The following ASH1L variants were observed in gnomAD, a reference collection of about 807,000 sequenced individuals.
ASH1L encodes ASH1 like histone lysine methyltransferase.
A neutral mutation model predicts 269.0 loss-of-function variants in ASH1L; 23 were observed. The observed-to-expected ratio is 0.09, with a 90% CI of 0.06 to 0.12. The LOEUF (loss-of-function observed/expected upper bound fraction) is 0.12, where lower values mean the gene tolerates loss of function less well. Ranked by LOEUF, ASH1L falls within the 10% of genes least tolerant of loss-of-function variation. ASH1L has a pLI of 1.00. For missense variants in ASH1L, 2,912 were observed against 3,567.8 expected, an observed-to-expected ratio of 0.82 and a Z score of 4.68; for synonymous variants, 1,187 against 1,253.5, an observed-to-expected ratio of 0.95 and a Z score of 1.12.
chr1:155,405,611 C>T (rs1659212963), intron 6 of ASH1L, among the ~76,000 whole-genome samples: 1 of 151,978 alleles, frequency 6.6e-6, no homozygotes, highest in African/African-American at 2.4e-5. Context: ...GAGTGAATCA[C>T]CTGAGGTCAG....
At chr1:155,378,819 G>A (rs1036599042) in intron 8 of ASH1L, among the ~76,000 whole-genome samples, 6 of 152,188 alleles carry the variant, frequency 3.9e-5, no homozygotes, top group South Asian at 2.1e-4. Context: ...TTGTTGGATA[G>A]ACTTAAATGA....
chr1:155,363,944 G>A (rs1441337004), intron 12 of ASH1L, among the ~76,000 whole-genome samples: 1 of 151,696 alleles, frequency 6.6e-6, no homozygotes, highest in East Asian at 1.9e-4. Flanking sequence ...CTGCATTCCA[G>A]CCTGGGCGAC....
rs1391247947 is a variant in ASH1L at position 155,439,093 on chromosome 1, T to C, written c.5087-25A>G. ...ACTGAAAGAGACAATAAATCACACA[T>C]AGACAAAATTGGACACGGCTAGTTA... is the stretch of plus-strand genomic sequence containing the variant. On this transcript the variant is annotated intron_variant, in intron 4 of 27. Coordinates refer to ENST00000392403, the MANE Select transcript of ASH1L (RefSeq NM_018489.3). 7.6e-6 allele frequency: 12 copies of C among 1,569,910 alleles called. No individual in the cohort carries two copies. The South Asian group carries it at 1.2e-4, about 16-fold the overall frequency.
chr1:155,562,860 G>A (rs1490316959), upstream of ASH1L: 1 of 343,026 alleles, frequency 2.9e-6, no homozygotes, highest in South Asian at 1.9e-5. Flanking sequence ...CGCCCCCACG[G>A]CCACCAACCG....
Position 155,562,700 on chromosome 1 carries a change from C to G in ASH1L, c.-647G>C. 6.7e-7 allele frequency: 1 copy of G among 1,495,256 alleles called. No homozygotes were observed. Among genetic ancestry groups the G allele is most frequent in the African/African-American group, 1.4e-5 (1 of 72,214 alleles). The allele number at this position is 1,495,256 out of a possible 1,614,324, so 92.6% of individuals were successfully genotyped here. Reference sequence around the variant, plus strand: ...GCCAGCCAGCCCGTACGCGCTCACCCACAGGAACCCCCTCGTCCAGTCCCT... The same window carrying G: ...GCCAGCCAGCCCGTACGCGCTCACCGACAGGAACCCCCTCGTCCAGTCCCT... On this transcript the variant is annotated 5_prime_UTR_variant, in exon 1 of 28. Transcript: ENST00000392403.
At chr1:155,422,303 A>G (rs1437739574) in intron 5 of ASH1L, among the ~76,000 whole-genome samples, 1 of 120,930 alleles carries the variant, frequency 8.3e-6, no homozygotes, top group East Asian at 2.4e-4. Context: ...CGCCCAGCTA[A>G]TTTTTTTTTT....
chr1:155,412,386 T>C (rs1253626559), intron 6 of ASH1L, among the ~76,000 whole-genome samples: 4 of 151,942 alleles, frequency 2.6e-5, no homozygotes, highest in Admixed American at 6.6e-5. Flanking sequence ...TCCAGCCTGG[T>C]TGACAAGAGC....
intron 10 of ASH1L, among the ~76,000 whole-genome samples, chr1:155,374,190 G>A (rs1656230049): frequency 6.6e-6 from 1 of 151,962 alleles, no homozygotes; most frequent in Non-Finnish European, 1.5e-5. Context: ...TTAGCCAGGC[G>A]TGGTGGCAAC....
At chr1:155,536,947 A>G (rs1327748682) in intron 1 of ASH1L, among the ~76,000 whole-genome samples, 2 of 151,708 alleles carry the variant, frequency 1.3e-5, no homozygotes, top group Admixed American at 6.6e-5. Context: ...TGGGAGGCTG[A>G]GACAGGAGAA....
At chr1:155,463,774 G>A (rs778371785) in intron 3 of ASH1L, among the ~76,000 whole-genome samples, 1 of 152,036 alleles carries the variant, frequency 6.6e-6, no homozygotes, top group Non-Finnish European at 1.5e-5. Context: ...CATCCTGGGC[G>A]ACAGTGAGAC....
At chr1:155,383,714 G>C (rs922523179) in intron 7 of ASH1L, among the ~76,000 whole-genome samples, 2 of 152,118 alleles carry the variant, frequency 1.3e-5, no homozygotes, top group African/African-American at 2.4e-5. Flanking sequence ...CAAAAGAACA[G>C]GTATTATACA....
chr1:155,493,787 T>C (rs926488169), intron 2 of ASH1L, among the ~76,000 whole-genome samples: 2 of 152,074 alleles, frequency 1.3e-5, no homozygotes, highest in African/African-American at 2.4e-5. Context: ...GGCGGAAGAA[T>C]AGCTTGAACC....
Position 155,335,686 on chromosome 1 carries a change from TA to T in ASH1L, c.*1973del, listed in dbSNP as rs1652252174. 6.5e-6 allele frequency: 1 copy of T among 152,772 alleles called. No homozygotes were observed. The highest frequency in any genetic ancestry group is 2.4e-5 in the African/African-American group (1 of 41,452). The allele number at this position is 152,772 out of a possible 1,614,324, so 9.5% of individuals were successfully genotyped here. On this transcript the variant is annotated 3_prime_UTR_variant, in exon 28 of 28. Transcript: ENST00000392403. ...TCTAAAAAACATTTCAGTTTTTTTT[TA>T]GTCTTTCAACAAAAGAAAGATAAAA... is the stretch of plus-strand genomic sequence containing the variant.
rs745497005 is a variant in ASH1L, at chr1:155,415,760, C to T, written c.5992G>A (p.Val1998Ile). 5.0e-6 allele frequency: 8 copies of T among 1,613,676 alleles called. No individual in the cohort carries two copies. The highest frequency in any genetic ancestry group is 6.8e-6 in the Non-Finnish European group (8 of 1,179,948). The change falls in exon 6 of 28, where the codon GTT becomes ATT. Residue 1998 changes from valine (V) to isoleucine (I), a missense_variant. By Grantham distance (29) the Val-to-Ile change is conservative. This residue lies in a region of ASH1L where 193 missense variants were observed against 311.6 expected (regional missense o/e 0.62). Transcript: ENST00000392403. ...KYQKAGLYSD[V>I]YKTTDPKSRL... ...ACTACTTACTCTGTAGTTTTGTAAACGTCAGAATACAGCCCTGCTTTCTGA... is the reference window on the plus strand; with the variant it reads ...ACTACTTACTCTGTAGTTTTGTAAATGTCAGAATACAGCCCTGCTTTCTGA...
chr1:155,563,154 G>A, upstream of ASH1L: 1 of 457,126 alleles, frequency 2.2e-6, no homozygotes, highest in Middle Eastern at 3.3e-4. Flanking sequence ...AGCGGATCGA[G>A]GACTGCCTAG....
In ASH1L at chr1:155,416,361, C is replaced by T. The variant is rs189010770; in HGVS notation, c.5829-438G>A. ...CTTCAACTCTTGACCTCAAGTAATC[C>T]ACCTGCCTTGGCCTCCCAAGTGCTG... On this transcript the variant is annotated intron_variant, in intron 5 of 27. Transcript: ENST00000392403. Among the ~76,000 whole-genome samples, 350 of 152,216 alleles carry T rather than the reference C, an allele frequency of 2.3e-3. 1 individual carries two copies. Among genetic ancestry groups the T allele is most frequent in the African/African-American group, 8.0e-3 (334 of 41,532 alleles).
chr1:155,508,465 C>T (rs1426507535), intron 2 of ASH1L, among the ~76,000 whole-genome samples: 1 of 152,056 alleles, frequency 6.6e-6, no homozygotes, highest in Non-Finnish European at 1.5e-5. Context: ...ATGGCAAAAC[C>T]CCATCTCTAC....
At chr1:155,470,988 TGAGCC>T (rs1665051331) in intron 3 of ASH1L, among the ~76,000 whole-genome samples, 1 of 152,230 alleles carries the variant, frequency 6.6e-6, no homozygotes, top group Non-Finnish European at 1.5e-5. Flanking sequence ...AAAAGATATC[TGAGCC>T]TGAATTAATA....
chr1:155,526,040 A>AT (rs570837049), intron 1 of ASH1L, among the ~76,000 whole-genome samples: 214 of 151,992 alleles, frequency 1.4e-3, no homozygotes, highest in African/African-American at 5.0e-3. Context: ...TTTTTCTAAT[A>AT]TTTTTCATCC....
Sources: gnomAD v4.1 joint callset for allele counts (sites outside exome capture counted in the v4.1 genomes callset) on GRCh38, gnomAD v4.1.1 for gene constraint, gnomAD v4.1.1 regional missense constraint, MANE v1.5 for transcripts, NCBI Gene and HGNC (gene_info 2026-07-23, HGNC 2026-07-21) for gene names.